FAM107B: variants seen among roughly 807,000 people sequenced by gnomAD.
FAM107B encodes protein FAM107B.
In FAM107B, 21 loss-of-function variants were observed where a neutral mutation model predicts 31.5. The ratio of observed to expected loss-of-function variants is 0.67; its 90% confidence interval spans 0.47 to 0.96. FAM107B has a LOEUF of 0.96. Ranked by LOEUF, FAM107B falls within the 40% of genes least tolerant of loss-of-function variation. The pLI, the probability that FAM107B is intolerant of heterozygous loss-of-function variation, is 0.00. For missense variants in FAM107B, 452 were observed against 377.1 expected (o/e 1.20, Z -1.64); for synonymous variants, 157 against 141.5 (o/e 1.11, Z -0.78).
intron 1 of FAM107B, among the ~76,000 whole-genome samples, chr10:14,734,443 A>G (rs577784718): frequency 6.6e-6 from 1 of 151,746 alleles, no homozygotes; most frequent in African/African-American, 2.4e-5. Context: ...GTGGCACAAC[A>G]CAAATTCATA....
At chr10:14,592,158 C>T (rs1852042242) in intron 2 of FAM107B, among the ~76,000 whole-genome samples, 1 of 152,196 alleles carries the variant, frequency 6.6e-6, no homozygotes, top group Non-Finnish European at 1.5e-5. Context: ...AAACTGCATG[C>T]CCAGCCATCC....
At chr10:14,713,141 A>T (rs1194773821) in intron 1 of FAM107B, among the ~76,000 whole-genome samples, 1 of 152,128 alleles carries the variant, frequency 6.6e-6, no homozygotes, top group Non-Finnish European at 1.5e-5. Context: ...AGTAAACCAC[A>T]TTGCTGTAAT....
intron 2 of FAM107B, among the ~76,000 whole-genome samples, chr10:14,633,226 A>C (rs1431335856): frequency 6.6e-6 from 1 of 152,104 alleles, no homozygotes; most frequent in Non-Finnish European, 1.5e-5. Context: ...ACGGCTGGTC[A>C]AAAGCACTTC....
intron 1 of FAM107B, among the ~76,000 whole-genome samples, chr10:14,737,028 G>A (rs1856315229): frequency 6.6e-6 from 1 of 152,110 alleles, no homozygotes; most frequent in South Asian, 2.1e-4. Flanking sequence ...GAAGGCTTGA[G>A]AGCCCAGAGA....
At chr10:14,770,180 G>A (rs1833269076) in intron 1 of FAM107B, among the ~76,000 whole-genome samples, 1 of 152,046 alleles carries the variant, frequency 6.6e-6, no homozygotes, top group Non-Finnish European at 1.5e-5. Context: ...GTTTCCCCAG[G>A]GCTAATGCTA....
At chr10:14,548,653 C>A in intron 2 of FAM107B, 1 of 985,424 alleles carries the variant, frequency 1.0e-6, no homozygotes. Flanking sequence ...CAGGCACTCC[C>A]AGAAGCCCCC....
chr10:14,604,431 A>C (rs1852525506), intron 2 of FAM107B: 1 of 175,974 alleles, frequency 5.7e-6, no homozygotes, highest in South Asian at 1.9e-4. Context: ...GTCCGAATTA[A>C]GCGGCGGGGC....
chr10:14,562,017 C>T (rs987936814), intron 2 of FAM107B, among the ~76,000 whole-genome samples: 7 of 152,186 alleles, frequency 4.6e-5, no homozygotes, highest in African/African-American at 1.7e-4. Context: ...AACTCCTGAT[C>T]TCAACCGATC....
At chr10:14,625,573 T>C (rs1853138951) in intron 2 of FAM107B, among the ~76,000 whole-genome samples, 1 of 152,014 alleles carries the variant, frequency 6.6e-6, no homozygotes, top group African/African-American at 2.4e-5. Context: ...AGCTGTGACA[T>C]GGTGTGCCAA....
chr10:14,533,803 G>A (rs1847301223), intron 2 of FAM107B, among the ~76,000 whole-genome samples: 1 of 152,152 alleles, frequency 6.6e-6, no homozygotes, highest in Admixed American at 6.5e-5. Context: ...AGCTTGGGAT[G>A]TTTTTCTGAC....
chr10:14,568,817 G>A (rs569637569), intron 2 of FAM107B, among the ~76,000 whole-genome samples: 21 of 151,836 alleles, frequency 1.4e-4, no homozygotes, highest in African/African-American at 5.1e-4. Flanking sequence ...GGGTGGAAGG[G>A]GGAGGCAAAG....
chr10:14,755,658 C>T (rs1322214900), intron 1 of FAM107B, among the ~76,000 whole-genome samples: 1 of 152,066 alleles, frequency 6.6e-6, no homozygotes, highest in Non-Finnish European at 1.5e-5. Context: ...TTCATCCATC[C>T]TTCTCCAGAG....
chr10:14,689,872 A>G (rs1369434862), intron 1 of FAM107B, among the ~76,000 whole-genome samples: 1 of 152,028 alleles, frequency 6.6e-6, no homozygotes, highest in Non-Finnish European at 1.5e-5. Flanking sequence ...CTGAGGCAGG[A>G]GGATTACTTG....
rs777761331 is a variant in FAM107B at position 14,774,579 on chromosome 10, C to A, written c.85G>T (p.Ala29Ser). 2.7e-5 allele frequency: 43 copies of A among 1,614,060 alleles called. No individual in the cohort carries two copies. The East Asian group carries it at 9.4e-4, about 35-fold the overall frequency. The change falls in exon 1 of 5, where the codon GCC becomes TCC. Residue 29 changes from alanine (A) to serine (S), a missense_variant. Physicochemically the swap from Ala to Ser is moderately conservative, Grantham distance 99 (BLOSUM62 1). Coordinates refer to ENST00000181796, the MANE Select transcript of FAM107B (RefSeq NM_031453.4). Reference sequence around the variant, plus strand: ...CTCTCCCTCGTATTCCCAAAACAGGCGAGCAGAGCTGAGCACGGAAATGGA... The same window carrying A: ...CTCTCCCTCGTATTCCCAAAACAGGAGAGCAGAGCTGAGCACGGAAATGGA... ...MHPFPCSALL[A>S]CFGNTRESAS...
At chr10:14,767,242 C>T (rs1833201928) in intron 1 of FAM107B, among the ~76,000 whole-genome samples, 1 of 150,346 alleles carries the variant, frequency 6.7e-6, no homozygotes, top group Non-Finnish European at 1.5e-5. Flanking sequence ...TATAGCCCCT[C>T]TACCACACCC....
chr10:14,699,458 G>A (rs1025888886), intron 1 of FAM107B, among the ~76,000 whole-genome samples: 5 of 152,112 alleles, frequency 3.3e-5, no homozygotes, highest in African/African-American at 9.7e-5. Context: ...CCCAAAGGCC[G>A]GAGAACCAGG....
intron 2 of FAM107B, among the ~76,000 whole-genome samples, chr10:14,569,282 G>A (rs1850979021): frequency 6.6e-6 from 1 of 152,194 alleles, no homozygotes; most frequent in Non-Finnish European, 1.5e-5. Flanking sequence ...AATAGAGAGT[G>A]TAGAAAATAT....
intron 2 of FAM107B, among the ~76,000 whole-genome samples, chr10:14,576,863 G>A (rs1851481729): frequency 6.6e-6 from 1 of 152,184 alleles, no homozygotes; most frequent in Non-Finnish European, 1.5e-5. Flanking sequence ...CCTGAATAGA[G>A]AAGGGGTATT....
intron 2 of FAM107B, among the ~76,000 whole-genome samples, chr10:14,546,382 C>A (rs1005187609): frequency 1.3e-5 from 2 of 152,188 alleles, no homozygotes; most frequent in African/African-American, 4.8e-5. Flanking sequence ...TGTTTTGGCA[C>A]CGTGAGTAAC....
Sources: gnomAD v4.1 joint callset for allele counts (sites outside exome capture counted in the v4.1 genomes callset) on GRCh38, gnomAD v4.1.1 for gene constraint, MANE v1.5 for transcripts, NCBI Gene and HGNC (gene_info 2026-07-23, HGNC 2026-07-21) for gene names.